GRM8: variants seen among roughly 807,000 people sequenced by gnomAD.
GRM8 encodes metabotropic glutamate receptor 8.
Under a neutral mutation model 87.2 loss-of-function variants are expected in GRM8, and 47 were observed. That is an observed-to-expected ratio of 0.54 (90% CI 0.43 to 0.69). GRM8 has a LOEUF of 0.69. Among genes scored for constraint, GRM8 ranks in the 30% least tolerant of loss-of-function variants. The pLI, the probability that GRM8 is intolerant of heterozygous loss-of-function variation, is 0.00. For missense variants in GRM8, 1,019 were observed against 1,139.2 expected (o/e 0.89, Z 1.52); for synonymous variants, 396 against 404.5 (o/e 0.98, Z 0.25).
intron 2 of GRM8, among the ~76,000 whole-genome samples, chr7:127,220,021 C>T (rs1047427062): frequency 2.6e-5 from 4 of 152,238 alleles, no homozygotes; most frequent in African/African-American, 9.6e-5. Context: ...CCCCAACCTA[C>T]TGAATCTATA....
intron 9 of GRM8, among the ~76,000 whole-genome samples, chr7:126,513,432 C>G (rs1202186483): frequency 6.6e-6 from 1 of 152,104 alleles, no homozygotes; most frequent in Non-Finnish European, 1.5e-5. Flanking sequence ...ATTTCCATCA[C>G]TGGCTCTACC....
intron 7 of GRM8, among the ~76,000 whole-genome samples, chr7:126,682,778 C>T (rs1046993711): frequency 9.9e-5 from 15 of 152,154 alleles, no homozygotes; most frequent in Admixed American, 2.0e-4. Context: ...GGGCTGGGCG[C>T]GGTGGCTCAC....
At chr7:126,489,999 T>G (rs930984554) in intron 9 of GRM8, among the ~76,000 whole-genome samples, 9 of 151,994 alleles carry the variant, frequency 5.9e-5, no homozygotes, top group Admixed American at 6.6e-5. Flanking sequence ...CCAACCCCCC[T>G]GTAGTTTTCA....
rs1232722372 is a variant in GRM8, at chr7:127,243,528, G to T, written c.-311-13C>A. The T allele has an allele frequency of 1.7e-5, 5 of 294,618 alleles. No individual in the cohort carries two copies. The highest frequency in any genetic ancestry group is 4.7e-5 in the Admixed American group (1 of 21,214). The allele number at this position is 294,618 out of a possible 1,614,324, so 18.3% of individuals were successfully genotyped here. The stretch of plus-strand genomic sequence containing the variant: ...AGCAGAATTATTCCTGGGAAGAGGG[G>T]AAAAAAGGGGGTTCAGTTCAGTGGG... On this transcript the variant is annotated splice_polypyrimidine_tract_variant and intron_variant, in intron 1 of 10. Transcript: ENST00000339582.
At chr7:126,553,511 G>A (rs1792813416) in intron 8 of GRM8, among the ~76,000 whole-genome samples, 1 of 152,118 alleles carries the variant, frequency 6.6e-6, no homozygotes, top group Non-Finnish European at 1.5e-5. Context: ...AAGTAGTTCT[G>A]AAAGGTGAAT....
intron 2 of GRM8, among the ~76,000 whole-genome samples, chr7:127,172,138 T>C (rs1793839305): frequency 6.6e-6 from 1 of 152,178 alleles, no homozygotes; most frequent in Non-Finnish European, 1.5e-5. Context: ...GTATTTTTAT[T>C]GGTAAGTGTA....
chr7:126,846,327 G>A (rs1234168596), intron 6 of GRM8, among the ~76,000 whole-genome samples: 1 of 152,200 alleles, frequency 6.6e-6, no homozygotes, highest in Non-Finnish European at 1.5e-5. Flanking sequence ...AGGAGAAGAT[G>A]ATTCCCTCTC....
chr7:126,928,885 G>A (rs556728438), intron 3 of GRM8, among the ~76,000 whole-genome samples: 20 of 152,184 alleles, frequency 1.3e-4, no homozygotes, highest in Admixed American at 4.6e-4. Flanking sequence ...AAAAAAATAC[G>A]TATTCAAGGG....
chr7:126,707,782 C>A lies in GRM8; in HGVS notation c.1357+62083G>T, dbSNP rs552852455. ...GAAGATCTAAATGTAAGACTTGAAA[C>A]CATTAAAAGCCTAGGAAAAAAACAT... is the stretch of plus-strand genomic sequence containing the variant. On this transcript the variant is annotated intron_variant, in intron 7 of 10. Coordinates refer to ENST00000339582, the MANE Select transcript of GRM8 (RefSeq NM_000845.3). Among the ~76,000 whole-genome samples, 4 of 152,064 alleles carry A rather than the reference C, an allele frequency of 2.6e-5. No homozygotes were observed. The South Asian group carries it at 8.3e-4, about 32-fold the overall frequency.
At chr7:126,845,593 C>T (rs1481090633) in intron 6 of GRM8, among the ~76,000 whole-genome samples, 2 of 152,138 alleles carry the variant, frequency 1.3e-5, no homozygotes, top group African/African-American at 4.8e-5. Flanking sequence ...TATTAAAACA[C>T]ATTTGTACAA....
Position 127,067,527 on chromosome 7 carries a change from C to T in GRM8, c.727+38969G>A, listed in dbSNP as rs549891144. Among the ~76,000 whole-genome samples the T allele has an allele frequency of 1.2e-4, 18 of 152,180 alleles. No individual in the cohort carries two copies. The South Asian group carries it at 1.9e-3, about 16-fold the overall frequency. On this transcript the variant is annotated intron_variant, in intron 3 of 10. Transcript: ENST00000339582. Reference sequence around the variant, plus strand: ...CCTATTCAATATTTAGCTTGATTTCCGAAACTATCTGGAACAGTCTTTACT... The same window carrying T: ...CCTATTCAATATTTAGCTTGATTTCTGAAACTATCTGGAACAGTCTTTACT...
intron 3 of GRM8, among the ~76,000 whole-genome samples, chr7:126,935,313 A>G (rs1406516561): frequency 6.6e-6 from 1 of 152,158 alleles, no homozygotes; most frequent in Non-Finnish European, 1.5e-5. Context: ...GGGAAAGGAA[A>G]TGAAGGACAC....
intron 7 of GRM8, among the ~76,000 whole-genome samples, chr7:126,742,841 A>G (rs571369989): frequency 6.6e-6 from 1 of 152,208 alleles, no homozygotes; most frequent in Admixed American, 6.5e-5. Context: ...AATTCTGGTC[A>G]CTAGTTAATT....
intron 8 of GRM8, among the ~76,000 whole-genome samples, chr7:126,559,451 G>A (rs1793474255): frequency 6.6e-6 from 1 of 152,028 alleles, no homozygotes; most frequent in Non-Finnish European, 1.5e-5. Flanking sequence ...GGGATTACAG[G>A]CATACGCCAC....
intron 6 of GRM8, among the ~76,000 whole-genome samples, chr7:126,894,345 A>G (rs1801337790): frequency 6.6e-6 from 1 of 151,976 alleles, no homozygotes; most frequent in Non-Finnish European, 1.5e-5. Flanking sequence ...ACTCTTTTCC[A>G]TTTGTGAGTT....
intron 8 of GRM8, among the ~76,000 whole-genome samples, chr7:126,589,828 G>T (rs2151038047): frequency 6.6e-6 from 1 of 152,238 alleles, no homozygotes; most frequent in Non-Finnish European, 1.5e-5. Flanking sequence ...CCCCCTAGTA[G>T]GTAAGTACTA....
intron 7 of GRM8, among the ~76,000 whole-genome samples, chr7:126,668,193 C>G (rs1318122631): frequency 1.3e-5 from 2 of 152,100 alleles, no homozygotes; most frequent in Non-Finnish European, 2.9e-5. Flanking sequence ...CTGTTTACCC[C>G]CCTTTCTTCC....
intron 6 of GRM8, among the ~76,000 whole-genome samples, chr7:126,776,109 G>T (rs1819445491): frequency 6.6e-6 from 1 of 152,026 alleles, no homozygotes; most frequent in Non-Finnish European, 1.5e-5. Context: ...CTTAAATACT[G>T]AATATTGTTC....
chr7:126,930,312 G>A (rs116098629), intron 3 of GRM8, among the ~76,000 whole-genome samples: 239 of 152,326 alleles, frequency 1.6e-3, no homozygotes, highest in African/African-American at 5.6e-3. Flanking sequence ...GAGCTGACAT[G>A]AGCTATATGA....
Sources: allele counts gnomAD v4.1 joint callset (sites outside exome capture counted in the v4.1 genomes callset), GRCh38; gene constraint gnomAD v4.1.1; transcripts MANE v1.5; gene names NCBI Gene and HGNC (gene_info 2026-07-23, HGNC 2026-07-21).